The following LMX1A variants were observed in gnomAD, a reference collection of about 807,000 sequenced individuals.
LMX1A encodes LIM homeobox transcription factor 1-alpha.
In LMX1A, 15 loss-of-function variants were observed where a neutral mutation model predicts 49.1. The observed-to-expected ratio is 0.31, with a 90% confidence interval of 0.20 to 0.47. The LOEUF (loss-of-function observed/expected upper bound fraction) is 0.47. Ranked by LOEUF, LMX1A falls within the 20% of genes least tolerant of loss-of-function variation. The pLI is 1.00. For synonymous variants in LMX1A, 167 were observed against 185.7 expected (o/e 0.90, Z 0.82); for missense variants, 372 against 475.8 (o/e 0.78, Z 2.03).
intron 3 of LMX1A, among the ~76,000 whole-genome samples, chr1:165,316,977 G>GA (rs773239294): frequency 6.6e-6 from 1 of 152,192 alleles, no homozygotes; most frequent in African/African-American, 2.4e-5. Context: ...GAAGGAAAAA[G>GA]AAAAAAACCC....
At chr1:165,330,389 T>C (rs963821327) in intron 3 of LMX1A, among the ~76,000 whole-genome samples, 2 of 152,212 alleles carry the variant, frequency 1.3e-5, no homozygotes, top group Non-Finnish European at 2.9e-5. Flanking sequence ...CAGGATTGGT[T>C]GAACCCAGGA....
Position 165,287,245 on chromosome 1 carries a change from G to T in LMX1A, c.264-37605C>A, listed in dbSNP as rs1654326850. On this transcript the variant is annotated intron_variant, in intron 3 of 8. Coordinates refer to ENST00000342310, the MANE Select transcript of LMX1A (RefSeq NM_177398.4). ...TCATCATATTCTGAAGATGGTTCGG[G>T]GGCAGAATATGACCAGTGACTTTAG... Among the ~76,000 whole-genome samples the T allele has an allele frequency of 1.3e-5, 2 of 152,008 alleles. 1 individual carries two copies. Among genetic ancestry groups the T allele is most frequent in the Admixed American group, 1.3e-4 (2 of 15,266 alleles).
rs1656583054 is a variant in LMX1A, at chr1:165,355,627, G to A, written c.-22-46C>T. 6.8e-7 allele frequency: 1 copy of A among 1,473,580 alleles called. No homozygotes were observed. The highest frequency in any genetic ancestry group is 1.8e-5 in the Admixed American group (1 of 55,098). 91.3% of individuals were successfully genotyped at this position (1,473,580 alleles called of 1,614,324 possible). On this transcript the variant is annotated intron_variant, in intron 1 of 8. Transcript: ENST00000342310. The surrounding 1 kb of genome is among the most constrained non-coding windows in gnomAD (Gnocchi z 4.7). ...TGCGTCTGACGTCCGTGCCCGCTGGGACTCGGCGCCAGCAGCCACCGCACT... is the reference window on the plus strand; with the variant it reads ...TGCGTCTGACGTCCGTGCCCGCTGGAACTCGGCGCCAGCAGCCACCGCACT...
intron 3 of LMX1A, among the ~76,000 whole-genome samples, chr1:165,265,421 G>A (rs781527492): frequency 3.9e-5 from 6 of 152,170 alleles, no homozygotes; most frequent in African/African-American, 9.7e-5. Context: ...CCAGGCACAA[G>A]GGCAGGGAGA....
At chr1:165,315,253 C>G (rs1283714353) in intron 3 of LMX1A, among the ~76,000 whole-genome samples, 1 of 152,182 alleles carries the variant, frequency 6.6e-6, no homozygotes, top group Non-Finnish European at 1.5e-5. Context: ...TCTACAACTC[C>G]CCTCTGGCCA....
chr1:165,346,839 T>C (rs1656260685), intron 3 of LMX1A, among the ~76,000 whole-genome samples: 2 of 152,220 alleles, frequency 1.3e-5, no homozygotes, highest in African/African-American at 4.8e-5. Context: ...GATATAGCTC[T>C]AATCCTCCCG....
At chr1:165,343,395 AAATAAT>A (rs56236301) in intron 3 of LMX1A, among the ~76,000 whole-genome samples, 177 of 149,272 alleles carry the variant, frequency 1.2e-3, no homozygotes, top group African/African-American at 2.7e-3. Flanking sequence ...ACTCATATAT[AAATAAT>A]AATAATAATA....
intron 3 of LMX1A, among the ~76,000 whole-genome samples, chr1:165,317,239 C>G (rs1446586645): frequency 2.0e-5 from 3 of 150,688 alleles, no homozygotes. Context: ...TATTTTTAAG[C>G]CCATAGAAAT....
intron 3 of LMX1A, among the ~76,000 whole-genome samples, chr1:165,314,253 A>G (rs1485679581): frequency 6.6e-6 from 1 of 152,210 alleles, no homozygotes; most frequent in East Asian, 1.9e-4. Context: ...AGAACAAAGC[A>G]GAGAGCATGG....
chr1:165,350,578 C>T (rs1656396011), intron 3 of LMX1A, among the ~76,000 whole-genome samples: 1 of 152,054 alleles, frequency 6.6e-6, no homozygotes, highest in African/African-American at 2.4e-5. Flanking sequence ...AATCTCTCTC[C>T]TTTTTCTCCT....
chr1:165,322,978 A>G (rs930609667), intron 3 of LMX1A, among the ~76,000 whole-genome samples: 2 of 152,050 alleles, frequency 1.3e-5, no homozygotes, highest in African/African-American at 4.8e-5. Context: ...TCAGAACACA[A>G]TTTGCTGATT....
chr1:165,347,251 C>T (rs538776918), intron 3 of LMX1A, among the ~76,000 whole-genome samples: 1 of 152,344 alleles, frequency 6.6e-6, no homozygotes, highest in African/African-American at 2.4e-5. Context: ...ACCTTTTCTA[C>T]ACTTTGCTCT....
intron 3 of LMX1A, among the ~76,000 whole-genome samples, chr1:165,251,239 T>C (rs2102639577): frequency 6.6e-6 from 1 of 152,254 alleles, no homozygotes; most frequent in South Asian, 2.1e-4. Flanking sequence ...CATGTCACCA[T>C]GCCCAGCTAA....
chr1:165,278,785 A>C (rs565726712), intron 3 of LMX1A, among the ~76,000 whole-genome samples: 1 of 152,306 alleles, frequency 6.6e-6, no homozygotes, highest in South Asian at 2.1e-4. Flanking sequence ...ACCCAGAGAA[A>C]ACTCACCTGC....
chr1:165,296,554 C>A (rs538485938), intron 3 of LMX1A, among the ~76,000 whole-genome samples: 46 of 152,366 alleles, frequency 3.0e-4, no homozygotes, highest in Middle Eastern at 3.4e-3. Flanking sequence ...TCTTCAATGT[C>A]GCCATTCAGA....
chr1:165,322,000 T>C (rs1352269420), intron 3 of LMX1A, among the ~76,000 whole-genome samples: 1 of 152,004 alleles, frequency 6.6e-6, no homozygotes, highest in Non-Finnish European at 1.5e-5. Context: ...CAAACACAAC[T>C]TTAAAATGGG....
intron 3 of LMX1A, among the ~76,000 whole-genome samples, chr1:165,300,135 G>A (rs986921023): frequency 6.6e-6 from 1 of 152,118 alleles, no homozygotes; most frequent in Non-Finnish European, 1.5e-5. Flanking sequence ...AGTGGTCCCA[G>A]GTCAACTCCT....
At chr1:165,225,649 C>CA (rs1360789041) in intron 4 of LMX1A, among the ~76,000 whole-genome samples, 1 of 152,178 alleles carries the variant, frequency 6.6e-6, no homozygotes, top group Non-Finnish European at 1.5e-5. Flanking sequence ...CAGTGGTTTT[C>CA]AAAATGAGCA....
chr1:165,285,823 G>T (rs1654290721), intron 3 of LMX1A, among the ~76,000 whole-genome samples: 2 of 152,324 alleles, frequency 1.3e-5, no homozygotes, highest in East Asian at 1.9e-4. Context: ...TGGCTCAGTT[G>T]TCTGGGTATG....
Sources: gnomAD v4.1 joint callset for allele counts (sites outside exome capture counted in the v4.1 genomes callset) on GRCh38, gnomAD v4.1.1 for gene constraint, Gnocchi (gnomAD v3.1) non-coding constraint, MANE v1.5 for transcripts, NCBI Gene and HGNC (gene_info 2026-07-23, HGNC 2026-07-21) for gene names.